The following PCDHGB7 variants were observed in gnomAD, a reference collection of about 807,000 sequenced individuals.
PCDHGB7 encodes the protein protocadherin gamma-B7.
A neutral mutation model predicts 61.4 loss-of-function variants in PCDHGB7; 37 were observed. The observed-to-expected ratio is 0.60, with a 90% confidence interval of 0.46 to 0.79. PCDHGB7 has a LOEUF of 0.79. Among genes scored for constraint, PCDHGB7 ranks in the 30% least tolerant of loss-of-function variants. PCDHGB7 has a pLI of 0.00. For synonymous variants in PCDHGB7, 464 were observed against 503.5 expected (o/e 0.92, Z 1.05); for missense variants, 1,166 against 1,202.5 (o/e 0.97, Z 0.45).
At chr5:141,445,188 GTATTCTA>G (rs1223900471) in intron 1 of PCDHGB7, among the ~76,000 whole-genome samples, 1 of 152,080 alleles carries the variant, frequency 6.6e-6, no homozygotes, top group Non-Finnish European at 1.5e-5. Context: ...ATGTTTTTAT[GTATTCTA>G]TATGCTTTTG....
chr5:141,491,496 C>T lies in PCDHGB7; in HGVS notation c.2416-3311C>T, dbSNP rs372523924. ...AGTCCAGCCCCAACCTGCAGGTGAG[C>T]TCGGACGGCACGCTCAAGTACATGG... On this transcript the variant is annotated intron_variant, in intron 1 of 3. Transcript: ENST00000398594. This position sits in a 1 kb window ranked among gnomAD's most constrained non-coding sequence, Gnocchi z 6.9. 2.9e-5 allele frequency: 47 copies of T among 1,614,004 alleles called. No individual in the cohort carries two copies. Among genetic ancestry groups the T allele is most frequent in the Non-Finnish European group, 3.7e-5 (44 of 1,180,026 alleles).
chr5:141,482,661 T>G (rs1215403061), intron 1 of PCDHGB7, among the ~76,000 whole-genome samples: 1 of 151,742 alleles, frequency 6.6e-6, no homozygotes, highest in Non-Finnish European at 1.5e-5. Flanking sequence ...TGAGCTATGA[T>G]CTAAAGGTTG....
At chr5:141,494,776 C>T in intron 1 of PCDHGB7, 31 bp from the exon 2 acceptor site, 1 of 1,614,100 alleles carries the variant, frequency 6.2e-7, no homozygotes, top group East Asian at 2.2e-5. Context: ...CTCACGGGTA[C>T]TCAGCCCCTT....
intron 1 of PCDHGB7, chr5:141,428,236 G>T: frequency 5.8e-6 from 6 of 1,027,096 alleles, no homozygotes; most frequent in Non-Finnish European, 8.9e-6. Flanking sequence ...CAGCCTGCAG[G>T]AGGCACTGCC....
intron 3 of PCDHGB7, among the ~76,000 whole-genome samples, chr5:141,509,049 C>G (rs1384134813): frequency 3.3e-5 from 5 of 152,150 alleles, no homozygotes; most frequent in Non-Finnish European, 5.9e-5. Context: ...TCCCCCGCCC[C>G]CAGAAAGCTC....
At chr5:141,467,699 T>A (rs1368755814) in intron 1 of PCDHGB7, among the ~76,000 whole-genome samples, 1 of 152,194 alleles carries the variant, frequency 6.6e-6, no homozygotes, top group Non-Finnish European at 1.5e-5. Context: ...TCTGGCTCTG[T>A]TGCCCAGGCT....
intron 1 of PCDHGB7, chr5:141,424,482 T>C (rs779975685): frequency 1.3e-5 from 2 of 152,216 alleles, no homozygotes; most frequent in Non-Finnish European, 2.9e-5. Context: ...TACTTTGGTG[T>C]CTGTGTTTGT....
At chr5:141,422,229 G>C in intron 1 of PCDHGB7, 4 of 1,565,880 alleles carry the variant, frequency 2.6e-6, no homozygotes, top group Non-Finnish European at 3.4e-6. Flanking sequence ...CCACGACGAT[G>C]TTGATCACTG....
Position 141,418,919 on chromosome 5 carries a change from G to C in PCDHGB7, c.1060G>C (p.Asp354His). 1 of 1,614,016 alleles carries C rather than the reference G, an allele frequency of 6.2e-7. No individual in the cohort carries two copies. The stretch of plus-strand genomic sequence containing the variant: ...AGAAATAATCATCACGTCACTCTCT[G>C]ATCAGATTATGGAGGATTCCCCTCC... Reference protein sequence around the residue: ...SPEIIITSLSDQIMEDSPPGV... With the variant: ...SPEIIITSLSHQIMEDSPPGV... The change falls in exon 1 of 4, where the codon GAT (aspartate) becomes CAT (histidine). Residue 354 changes from aspartate (D) to histidine (H), a missense_variant. Asp to His is a moderately conservative substitution (Grantham distance 81, BLOSUM62 -1). Coordinates refer to ENST00000398594, the MANE Select transcript of PCDHGB7 (RefSeq NM_018927.4).
chr5:141,479,679 T>A (rs1211872684), intron 1 of PCDHGB7: 1 of 152,258 alleles, frequency 6.6e-6, no homozygotes, highest in East Asian at 1.9e-4. Flanking sequence ...AAGGAGAGTC[T>A]TTTTGGTGCC....
In PCDHGB7 at chr5:141,493,521, G is replaced by A. The variant is rs967636266; in HGVS notation, c.2416-1286G>A. Among the ~76,000 whole-genome samples the A allele has an allele frequency of 3.9e-5, 6 of 152,242 alleles. No homozygotes were observed. In the East Asian group the frequency reaches 7.7e-4, roughly 20 times the overall value. The stretch of plus-strand genomic sequence containing the variant: ...CTCATTTCTGAGCAGTCCCCGCAGC[G>A]CAAACTTGGCCAGTTATCCTTTTGG... On this transcript the variant is annotated intron_variant, in intron 1 of 3. Coordinates refer to ENST00000398594, the MANE Select transcript of PCDHGB7 (RefSeq NM_018927.4). This position sits in a 1 kb window ranked among gnomAD's most constrained non-coding sequence, Gnocchi z 4.3.
intron 1 of PCDHGB7, chr5:141,441,674 CT>C: frequency 3.4e-6 from 1 of 293,692 alleles, no homozygotes; most frequent in Non-Finnish European, 6.7e-6. Flanking sequence ...CACAGTGCGC[CT>C]TCGACCAAGA....
At chr5:141,437,654 A>C (rs185455660) in intron 1 of PCDHGB7, among the ~76,000 whole-genome samples, 1 of 152,256 alleles carries the variant, frequency 6.6e-6, no homozygotes, top group African/African-American at 2.4e-5. Context: ...GCAAACACAT[A>C]GTTTCGAAGA....
At position 141,489,910 on chromosome 5, in the gene PCDHGB7, G is replaced by T; in HGVS notation, c.2416-4897G>T. ...GGATGGGGGGACCCCAGCCCGCTCA[G>T]GGACCACCCTTATCTCTGTCATCGT... On this transcript the variant is annotated intron_variant, in intron 1 of 3. Transcript: ENST00000398594. This position sits in a 1 kb window ranked among gnomAD's most constrained non-coding sequence, Gnocchi z 4.5. 1 of 1,614,226 alleles carries T rather than the reference G, an allele frequency of 6.2e-7. No homozygotes were observed. The highest frequency in any genetic ancestry group is 8.5e-7 in the Non-Finnish European group (1 of 1,180,030).
chr5:141,504,680 A>G (rs912248504), intron 2 of PCDHGB7, among the ~76,000 whole-genome samples: 1 of 150,294 alleles, frequency 6.7e-6, no homozygotes, highest in Non-Finnish European at 1.5e-5. Flanking sequence ...GGGTTCTTGT[A>G]AAATAGGAGG....
In PCDHGB7 at chr5:141,511,224, G is replaced by T. The variant is rs752401867; in HGVS notation, c.*51G>T. On this transcript the variant is annotated 3_prime_UTR_variant, in exon 4 of 4. Coordinates refer to ENST00000398594, the MANE Select transcript of PCDHGB7 (RefSeq NM_018927.4). ...GGGCGGCCTCTCCCCAACCAGCCCA[G>T]CTTCTCCTTACCTGCACCCAGGCCT... is the stretch of plus-strand genomic sequence containing the variant. 44 of 1,603,158 alleles carry T rather than the reference G, an allele frequency of 2.7e-5. No individual in the cohort carries two copies. Among genetic ancestry groups the T allele is most frequent in the Non-Finnish European group, 3.6e-5 (42 of 1,174,924 alleles).
Position 141,486,178 on chromosome 5 carries a change from C to T in PCDHGB7, c.2416-8629C>T, listed in dbSNP as rs767840363. The T allele has an allele frequency of 1.1e-5, 17 of 1,614,076 alleles. No homozygotes were observed. The highest frequency in any genetic ancestry group is 1.4e-5 in the Non-Finnish European group (16 of 1,180,038). ...CTCCAGCCATGGAGCAACATTGCAG[C>T]CTTCGAGTGGATCTGCTGGACGTAA... On this transcript the variant is annotated intron_variant, in intron 1 of 3. Coordinates refer to ENST00000398594, the MANE Select transcript of PCDHGB7 (RefSeq NM_018927.4). The surrounding 1 kb of genome is among the most constrained non-coding windows in gnomAD (Gnocchi z 5.0).
Position 141,419,013 on chromosome 5 carries a change from G to C in PCDHGB7, c.1154G>C (p.Ser385Thr), listed in dbSNP as rs746229802. The C allele has an allele frequency of 6.9e-5, 111 of 1,613,840 alleles. No individual in the cohort carries two copies. In the East Asian group the frequency reaches 2.4e-3, roughly 35 times the overall value. ...GGGGAAAATGGGGAAGTCAGGTGTA[G>C]CTTAAGTAGAGGTGTTCCATTTAAG... is the stretch of plus-strand genomic sequence containing the variant. ...DSGENGEVRC[S>T]LSRGVPFKIH... Residue 385 changes from serine (S) to threonine (T), a missense_variant, in exon 1 of 4, where the codon AGC (serine) becomes ACC (threonine). Transcript: ENST00000398594.
At position 141,487,499 on chromosome 5, in the gene PCDHGB7, G is replaced by C; in HGVS notation, c.2416-7308G>C. 6.2e-7 allele frequency: 1 copy of C among 1,614,152 alleles called. No individual in the cohort carries two copies. The highest frequency in any genetic ancestry group is 1.3e-5 in the African/African-American group (1 of 75,042). ...CCACTCTCATGGCTGTACACCCTTG[G>C]CTTCTGCACCCACTCGGAGTGATAG... On this transcript the variant is annotated intron_variant, in intron 1 of 3. Coordinates refer to ENST00000398594, the MANE Select transcript of PCDHGB7 (RefSeq NM_018927.4). The surrounding 1 kb of genome is among the most constrained non-coding windows in gnomAD (Gnocchi z 5.0).
Sources: allele counts gnomAD v4.1 joint callset (sites outside exome capture counted in the v4.1 genomes callset), GRCh38; gene constraint gnomAD v4.1.1; non-coding constraint Gnocchi (gnomAD v3.1); transcripts MANE v1.5; gene names NCBI Gene and HGNC (gene_info 2026-07-23, HGNC 2026-07-21).